MIDEAS: variants seen among roughly 807,000 people sequenced by gnomAD.
MIDEAS encodes the protein mitotic deacetylase-associated SANT domain protein.
In MIDEAS, 26 loss-of-function variants were observed where a neutral mutation model predicts 102.7. That is an observed-to-expected ratio of 0.25 (90% CI 0.19 to 0.35). The LOEUF (loss-of-function observed/expected upper bound fraction) is 0.35. Ranked by LOEUF, MIDEAS falls within the 10% of genes least tolerant of loss-of-function variation. The pLI, the probability that MIDEAS is intolerant of heterozygous loss-of-function variation, is 1.00. For synonymous variants in MIDEAS, 585 were observed against 591.0 expected (o/e 0.99, Z 0.15); for missense variants, 1,231 against 1,435.6 (o/e 0.86, Z 2.30).
intron 1 of MIDEAS, among the ~76,000 whole-genome samples, chr14:73,779,330 G>C (rs2140176761): frequency 6.7e-6 from 1 of 149,200 alleles, no homozygotes; most frequent in South Asian, 2.2e-4. Flanking sequence ...GGGAGACGGA[G>C]GTTGCAGTGA....
intron 4 of MIDEAS, 115 bp downstream of exon 4, chr14:73,729,525 G>T: frequency 1.2e-6 from 1 of 854,190 alleles, no homozygotes; most frequent in Non-Finnish European, 1.8e-6. Context: ...ACAGAGCAGA[G>T]CTCCTTCTCC....
upstream of MIDEAS, among the ~76,000 whole-genome samples, chr14:73,764,399 C>G (rs143086630): frequency 7.4e-4 from 112 of 151,254 alleles, no homozygotes; most frequent in African/African-American, 2.6e-3. Flanking sequence ...TAGTTCTTTT[C>G]CCTGAAAAGA....
In MIDEAS at chr14:73,739,984, C is replaced by T. The variant is rs1206725323; in HGVS notation, c.25G>A (p.Ala9Thr). 1 of 1,501,862 alleles carries T rather than the reference C, an allele frequency of 6.7e-7. No homozygotes were observed. The highest frequency in any genetic ancestry group is 8.9e-7 in the Non-Finnish European group (1 of 1,124,220). 93.0% of individuals were successfully genotyped at this position (1,501,862 alleles called of 1,614,324 possible). A position where few individuals can be genotyped will look rare whatever the true frequency, so the allele number is the denominator to read the frequency against. The change falls in exon 2 of 13, where the codon GCT becomes ACT. Residue 9 changes from alanine to threonine, a missense_variant. By Grantham distance (58) the Ala-to-Thr change is moderately conservative. Transcript: ENST00000423556. MNLQAQPK[A>T]QNKRKRCLFG... ...AGGCAACGCTTCCGCTTGTTCTGAG[C>T]CTTGGGCTGGGCCTGGAGGTTCATG...
Position 73,718,850 on chromosome 14 carries a change from T to C in MIDEAS, c.3293A>G (p.Lys1098Arg), listed in dbSNP as rs1357558335. The change falls in exon 13 of 13, where the codon AAG (lysine) becomes AGG (arginine). Residue 1098 changes from lysine (K) to arginine (R), a missense_variant. Coordinates refer to ENST00000423556, the MANE Select transcript of MIDEAS (RefSeq NM_001367710.1). ...CCAGCCTGGCTCCCGCGCTCAGCCCTTGTCGCCCGCACCGCTCTCCTCCCG... is the reference window on the plus strand; with the variant it reads ...CCAGCCTGGCTCCCGCGCTCAGCCCCTGTCGCCCGCACCGCTCTCCTCCCG... ...ALREESGAGDKG is the reference protein window; with the variant it reads ...ALREESGAGDRG The C allele has an allele frequency of 7.4e-6, 11 of 1,479,194 alleles. No homozygotes were observed. The highest frequency in any genetic ancestry group is 9.8e-6 in the Non-Finnish European group (11 of 1,122,988). The allele number at this position is 1,479,194 out of a possible 1,614,324, so 91.6% of individuals were successfully genotyped here. A position where few individuals can be genotyped will look rare whatever the true frequency, so the allele number is the denominator to read the frequency against.
chr14:73,767,316 G>A (rs943034552), intron 1 of MIDEAS, among the ~76,000 whole-genome samples: 17 of 152,174 alleles, frequency 1.1e-4, no homozygotes, highest in African/African-American at 4.1e-4. Flanking sequence ...CCCATTATCT[G>A]AGCTCAGTAG....
At chr14:73,756,087 C>T (rs953958286) in intron 1 of MIDEAS, among the ~76,000 whole-genome samples, 2 of 152,160 alleles carry the variant, frequency 1.3e-5, no homozygotes, top group African/African-American at 4.8e-5. Flanking sequence ...CTCATTCCCA[C>T]GCACCCATCA....
At chr14:73,745,057 G>A (rs1015145957) in intron 1 of MIDEAS, among the ~76,000 whole-genome samples, 3 of 152,190 alleles carry the variant, frequency 2.0e-5, no homozygotes, top group African/African-American at 4.8e-5. Context: ...TGCGCCCAAG[G>A]TGAGTCAGAG....
At chr14:73,779,575 T>A (rs796807700) in intron 1 of MIDEAS, among the ~76,000 whole-genome samples, 20,341 of 135,484 alleles carry the variant, frequency 0.15, 1,549 homozygotes, top group South Asian at 0.21. Context: ...TTATTATTAT[T>A]TTTTTTTTTT....
At chr14:73,782,557 T>C (rs2053766501) in intron 1 of MIDEAS, among the ~76,000 whole-genome samples, 1 of 152,158 alleles carries the variant, frequency 6.6e-6, no homozygotes, top group South Asian at 2.1e-4. Context: ...CTTGAACTTC[T>C]AGGCTCAAGT....
chr14:73,718,909 AGCG>A lies in MIDEAS; in HGVS notation c.3231_3233del (p.Ala1084del). 1 of 1,522,806 alleles carries A rather than the reference AGCG, an allele frequency of 6.6e-7. No homozygotes were observed. The allele number at this position is 1,522,806 out of a possible 1,614,324, so 94.3% of individuals were successfully genotyped here. On this transcript the variant is annotated inframe_deletion, in exon 13 of 13. Coordinates refer to ENST00000423556, the MANE Select transcript of MIDEAS (RefSeq NM_001367710.1). The stretch of plus-strand genomic sequence containing the variant: ...GCTGGTGGGCGGCGGCGGCGGCAGC[AGCG>A]GCCTCTTTCTCCTTCAGCCTCAGCG...
At chr14:73,780,062 G>A (rs1207413145) in intron 1 of MIDEAS, among the ~76,000 whole-genome samples, 4 of 148,530 alleles carry the variant, frequency 2.7e-5, no homozygotes, top group Non-Finnish European at 5.9e-5. Context: ...TTTTAGTAGA[G>A]ATGGGGTTTC....
chr14:73,765,805 G>A (rs974085946), intron 1 of MIDEAS, among the ~76,000 whole-genome samples: 2 of 152,112 alleles, frequency 1.3e-5, no homozygotes, highest in Non-Finnish European at 2.9e-5. Context: ...TCCAGGAAGC[G>A]TTCATTGACT....
In MIDEAS at chr14:73,739,698, G is replaced by C; in HGVS notation, c.311C>G (p.Pro104Arg). 1 of 1,613,876 alleles carries C rather than the reference G, an allele frequency of 6.2e-7. No homozygotes were observed. Among genetic ancestry groups the C allele is most frequent in the Non-Finnish European group, 8.5e-7 (1 of 1,179,988 alleles). The change falls in exon 2 of 13, where the codon CCA becomes CGA. Residue 104 changes from proline to arginine, a missense_variant. Pro to Arg is a moderately radical substitution (Grantham distance 103). Coordinates refer to ENST00000423556, the MANE Select transcript of MIDEAS (RefSeq NM_001367710.1). ...SVKWPNSVMA[P>R]GRGPERGGGG... is the part of the protein sequence containing the mutation. ...TCCTCCACGCTCCGGGCCCCGCCCT[G>C]GAGCCATCACAGAGTTGGGCCACTT... is the stretch of plus-strand genomic sequence containing the variant.
In MIDEAS at chr14:73,717,755, A is replaced by C. The variant is rs1017482094; in HGVS notation, c.*1088T>G. 1 of 152,680 alleles carries C rather than the reference A, an allele frequency of 6.5e-6. No homozygotes were observed. Among genetic ancestry groups the C allele is most frequent in the Non-Finnish European group, 1.5e-5 (1 of 68,054 alleles). 9.5% of individuals were successfully genotyped at this position (152,680 alleles called of 1,614,324 possible). ...AGAATAAATAAATAGCTCCCAAATGACACGAGTCAAGGAATGAAGGCTCCT... is the reference window on the plus strand; with the variant it reads ...AGAATAAATAAATAGCTCCCAAATGCCACGAGTCAAGGAATGAAGGCTCCT... On this transcript the variant is annotated 3_prime_UTR_variant, in exon 13 of 13. Coordinates refer to ENST00000423556, the MANE Select transcript of MIDEAS (RefSeq NM_001367710.1).
At position 73,726,116 on chromosome 14, in the gene MIDEAS, G is replaced by C; in HGVS notation, c.2410-8C>G. The C allele has an allele frequency of 2.5e-6, 4 of 1,581,876 alleles. No individual in the cohort carries two copies. Among genetic ancestry groups the C allele is most frequent in the Non-Finnish European group, 1.7e-6 (2 of 1,163,898 alleles). The stretch of plus-strand genomic sequence containing the variant: ...CAGCTTATTCAGCGTTTCCTGGAGG[G>C]GAAGTGAGGGAAGGGTCAGGGCACT... On this transcript the variant is annotated splice_polypyrimidine_tract_variant and splice_region_variant and intron_variant, in intron 7 of 12. Transcript: ENST00000423556.
intron 1 of MIDEAS, among the ~76,000 whole-genome samples, chr14:73,753,432 C>T (rs1463400775): frequency 6.6e-6 from 1 of 152,228 alleles, no homozygotes; most frequent in Non-Finnish European, 1.5e-5. Context: ...GCTGGCTTCT[C>T]CAATCACCAG....
rs74959857 is a variant in MIDEAS, at chr14:73,742,391, C to T, written c.-247-2136G>A. Among the ~76,000 whole-genome samples the T allele has an allele frequency of 4.6e-5, 7 of 152,148 alleles. No individual in the cohort carries two copies. Among genetic ancestry groups the T allele is most frequent in the Non-Finnish European group, 8.8e-5 (6 of 68,014 alleles). ...CCAGTGTGAACCTGATGGAGGGGTGCGCCCCCTCCATGGGGATGGCTGCTC... is the reference window on the plus strand; with the variant it reads ...CCAGTGTGAACCTGATGGAGGGGTGTGCCCCCTCCATGGGGATGGCTGCTC... On this transcript the variant is annotated intron_variant, in intron 1 of 12. Transcript: ENST00000423556. The surrounding 1 kb of genome is among the most constrained non-coding windows in gnomAD (Gnocchi z 4.4).
Position 73,722,682 on chromosome 14 carries a change from T to A in MIDEAS, c.2724+16A>T. ...CAGCCCAGGCTCTATGCAGCTGAGG[T>A]TGGAAAAGGAGTCACCTTAATATCC... On this transcript the variant is annotated intron_variant, in intron 10 of 12. Coordinates refer to ENST00000423556, the MANE Select transcript of MIDEAS (RefSeq NM_001367710.1). 6.2e-7 allele frequency: 1 copy of A among 1,612,848 alleles called. No individual in the cohort carries two copies. The highest frequency in any genetic ancestry group is 8.5e-7 in the Non-Finnish European group (1 of 1,179,144).
In MIDEAS at chr14:73,729,385, G is replaced by A. The variant is rs557068899; in HGVS notation, c.2095+255C>T. Among the ~76,000 whole-genome samples the A allele has an allele frequency of 5.3e-5, 8 of 152,366 alleles. 1 individual carries two copies. The South Asian group carries it at 1.2e-3, about 24-fold the overall frequency. Reference sequence around the variant, plus strand: ...AATACTGAAAAAACTGAGGCCCAGGGAGTTGAAGTGACTTGCAAAAGTGGA... The same window carrying A: ...AATACTGAAAAAACTGAGGCCCAGGAAGTTGAAGTGACTTGCAAAAGTGGA... On this transcript the variant is annotated intron_variant, in intron 4 of 12. Coordinates refer to ENST00000423556, the MANE Select transcript of MIDEAS (RefSeq NM_001367710.1).
Sources: gnomAD v4.1 joint callset for allele counts (sites outside exome capture counted in the v4.1 genomes callset) on GRCh38, gnomAD v4.1.1 for gene constraint, Gnocchi (gnomAD v3.1) non-coding constraint, MANE v1.5 for transcripts, NCBI Gene and HGNC (gene_info 2026-07-23, HGNC 2026-07-21) for gene names.